PAQR9: variants seen among roughly 807,000 people sequenced by gnomAD.
PAQR9 encodes membrane progestin receptor epsilon.
PAQR9 carries 12 observed loss-of-function variants against 24.0 expected under a neutral mutation model. The observed-to-expected ratio is 0.50, with a 90% CI of 0.32 to 0.81. PAQR9 has a LOEUF of 0.81. Among genes scored for constraint, PAQR9 ranks in the 30% least tolerant of loss-of-function variants. PAQR9 has a pLI of 0.03. For synonymous variants in PAQR9, 266 were observed against 237.6 expected, an observed-to-expected ratio of 1.12 and a Z score of -1.10; for missense variants, 418 against 520.8, an observed-to-expected ratio of 0.80 and a Z score of 1.92.
In PAQR9 at chr3:142,962,311, G is replaced by C; in HGVS notation, c.1026C>G (p.Ala342=). Residue 342 remains alanine, a synonymous_variant, in exon 1 of 1, where the codon GCC becomes GCG. Transcript: ENST00000340634. ...GLRQFLQAPP[A]APTFSGTVGY... Reference sequence around the variant, plus strand: ...CCACAGTACCCGAGAAAGTGGGTGCGGCAGGCGGCGCCTGGAGGAACTGGC... The same window carrying C: ...CCACAGTACCCGAGAAAGTGGGTGCCGCAGGCGGCGCCTGGAGGAACTGGC... 6.2e-7 allele frequency: 1 copy of C among 1,614,106 alleles called. No individual in the cohort carries two copies. The highest frequency in any genetic ancestry group is 8.5e-7 in the Non-Finnish European group (1 of 1,180,028).
At position 142,962,406 on chromosome 3, in the gene PAQR9, G is replaced by T; in HGVS notation, c.931C>A (p.His311Asn). 6.2e-7 allele frequency: 1 copy of T among 1,614,172 alleles called. No homozygotes were observed. Among genetic ancestry groups the T allele is most frequent in the South Asian group, 1.1e-5 (1 of 91,078 alleles). The change falls in exon 1 of 1, where the codon CAC becomes AAC. Residue 311 changes from histidine to asparagine, a missense_variant. Physicochemically the swap from His to Asn is moderately conservative, Grantham distance 68. Around this residue, in one of 3 missense-constraint regions of PAQR9, gnomAD observed 230 missense variants for 305.2 expected, o/e 0.75. Transcript: ENST00000340634. ...PGLFDIIGHS[H>N]QLFHIFTFLS... ...AAGGTGAAGATGTGGAAGAGCTGGTGGCTGTGGCCGATAATGTCGAAAAGA... is the reference window on the plus strand; with the variant it reads ...AAGGTGAAGATGTGGAAGAGCTGGTTGCTGTGGCCGATAATGTCGAAAAGA...
At chr3:142,949,548 G>A (rs1934687526) in exon 3 of PAQR9, 2 of 152,176 alleles carry the variant, frequency 1.3e-5, no homozygotes, top group South Asian at 4.1e-4. Context: ...GGCAGGATGT[G>A]AAACCTCTTA....
In PAQR9 at chr3:142,962,753, C is replaced by A. The variant is rs2108243752; in HGVS notation, c.584G>T (p.Arg195Leu). The A allele has an allele frequency of 6.2e-7, 1 of 1,612,350 alleles. No individual in the cohort carries two copies. The highest frequency in any genetic ancestry group is 2.2e-5 in the East Asian group (1 of 44,840). The change falls in exon 1 of 1, where the codon CGC (arginine) becomes CTC (leucine). Residue 195 changes from arginine to leucine, a missense_variant. Around this residue, in one of 3 missense-constraint regions of PAQR9, gnomAD observed 230 missense variants for 305.2 expected, o/e 0.75. Coordinates refer to ENST00000340634, the MANE Select transcript of PAQR9 (RefSeq NM_198504.4). ...CGTGCAGTCCACGTGCCAGCCCAGG[C>A]GCTGCTGCAAGTATGGAGTCATGAC... ...ARVMTPYLQQRLGWHVDCTRL... is the reference protein window; with the variant it reads ...ARVMTPYLQQLLGWHVDCTRL...
chr3:142,963,205 C>G lies in PAQR9; in HGVS notation c.132G>C (p.Leu44=), dbSNP rs200332240. 2.0e-4 allele frequency: 310 copies of G among 1,572,590 alleles called. 1 individual carries two copies. In the African/African-American group the frequency reaches 4.0e-3, roughly 20 times the overall value. Residue 44 remains leucine, a synonymous_variant, in exon 1 of 1, where the codon CTG becomes CTC. Transcript: ENST00000340634. ...SRDPPASAKP[L]LRWDEVPDDF... ...CGTCGGGCACCTCGTCCCAGCGCAG[C>G]AGCGGCTTGGCAGACGCTGGGGGGT... is the stretch of plus-strand genomic sequence containing the variant.
At chr3:142,954,221 C>A (rs1040906133), downstream of PAQR9, among the ~76,000 whole-genome samples, 31 of 152,190 alleles carry the variant, frequency 2.0e-4, 2 homozygotes, top group Non-Finnish European at 1.5e-5. Context: ...CACACATCAC[C>A]AAGGTTCTGG....
At position 142,961,998 on chromosome 3, in the gene PAQR9, C is replaced by A. The variant is rs1182959049; in HGVS notation, c.*205G>T. On this transcript the variant is annotated 3_prime_UTR_variant, in exon 1 of 1. Coordinates refer to ENST00000340634, the MANE Select transcript of PAQR9 (RefSeq NM_198504.4). ...AGAACAAGTGACTATCTCCCTCCCG[C>A]TTGACCACCCCTGCCAACCTCCCTA... 19 of 597,420 alleles carry A rather than the reference C, an allele frequency of 3.2e-5. No homozygotes were observed. In the Middle Eastern group the frequency reaches 1.3e-3, roughly 42 times the overall value. 37.0% of individuals were successfully genotyped at this position (597,420 alleles called of 1,614,324 possible).
chr3:142,956,293 CA>C lies in PAQR9; in HGVS notation c.*5909del, dbSNP rs1934790053. Among the ~76,000 whole-genome samples the C allele has an allele frequency of 2.0e-5, 3 of 152,100 alleles. No individual in the cohort carries two copies. The highest frequency in any genetic ancestry group is 2.9e-5 in the Non-Finnish European group (2 of 68,022). On this transcript the variant is annotated 3_prime_UTR_variant, in exon 1 of 1. Coordinates refer to ENST00000340634, the MANE Select transcript of PAQR9 (RefSeq NM_198504.4). ...AGCAGGGCCATCTTTACAGCACGGC[CA>C]AATGACCACCTGAAGACCCCCCATT...
Position 142,955,477 on chromosome 3 carries a change from A to AAG in PAQR9, c.*6725_*6726insCT, listed in dbSNP as rs1553826345. Among the ~76,000 whole-genome samples the AAG allele has an allele frequency of 1.1e-4, 12 of 108,566 alleles. No individual in the cohort carries two copies. The highest frequency in any genetic ancestry group is 2.3e-4 in the Non-Finnish European group (12 of 52,028). 71.2% of individuals were successfully genotyped at this position (108,566 alleles called of 152,430 possible). ...AAAAAAAAAAAAAAAAAAAAAAAAA[A>AAG]GCAGCCACAGAATCCTCCCCCAGCC... On this transcript the variant is annotated 3_prime_UTR_variant, in exon 1 of 1. Coordinates refer to ENST00000340634, the MANE Select transcript of PAQR9 (RefSeq NM_198504.4).
At position 142,958,090 on chromosome 3, in the gene PAQR9, G is replaced by A. The variant is rs544817513; in HGVS notation, c.*4113C>T. On this transcript the variant is annotated 3_prime_UTR_variant, in exon 1 of 1. Coordinates refer to ENST00000340634, the MANE Select transcript of PAQR9 (RefSeq NM_198504.4). ...CAGTAGGTGCTCAAAGATCATGAAAGGTATGATATGAGTGCATGAATGAAC... is the reference window on the plus strand; with the variant it reads ...CAGTAGGTGCTCAAAGATCATGAAAAGTATGATATGAGTGCATGAATGAAC... Among the ~76,000 whole-genome samples the A allele has an allele frequency of 2.3e-4, 35 of 152,294 alleles. No homozygotes were observed. Among genetic ancestry groups the A allele is most frequent in the Admixed American group, 1.0e-3 (16 of 15,302 alleles).
At chr3:142,953,799 G>A (rs1371233093), downstream of PAQR9, among the ~76,000 whole-genome samples, 3 of 152,156 alleles carry the variant, frequency 2.0e-5, no homozygotes, top group Non-Finnish European at 2.9e-5. Flanking sequence ...TGTCTCTAGA[G>A]GAGTCCATGT....
chr3:142,952,313 G>A (rs577116884), downstream of PAQR9, among the ~76,000 whole-genome samples: 69 of 152,238 alleles, frequency 4.5e-4, 1 homozygote, highest in Non-Finnish European at 9.7e-4. Flanking sequence ...GAATGGGAGA[G>A]AGCAGTTCAG....
chr3:142,963,886 C>A, upstream of PAQR9: 2 of 985,344 alleles, frequency 2.0e-6, no homozygotes, highest in South Asian at 4.7e-5. Context: ...GCCCGGGCCG[C>A]CCCGTTAATG....
rs373745805 is a variant in PAQR9 at position 142,957,465 on chromosome 3, T to A, written c.*4738A>T. Among the ~76,000 whole-genome samples, 2 of 152,230 alleles carry A rather than the reference T, an allele frequency of 1.3e-5. No homozygotes were observed. Among genetic ancestry groups the A allele is most frequent in the African/African-American group, 4.8e-5 (2 of 41,460 alleles). ...CTCCAGATTAATGTTTTCTAAGACA[T>A]GTTTCATAAGTTACAACACAAAGAT... On this transcript the variant is annotated 3_prime_UTR_variant, in exon 1 of 1. Transcript: ENST00000340634.
chr3:142,963,080 T>C lies in PAQR9; in HGVS notation c.257A>G (p.Asn86Ser). 1 of 1,614,116 alleles carries C rather than the reference T, an allele frequency of 6.2e-7. No individual in the cohort carries two copies. The highest frequency in any genetic ancestry group is 8.5e-7 in the Non-Finnish European group (1 of 1,179,984). ...CAGCGGGATGAAGTGCGTCCAGAAGTTGAGCGTCTCGTTGGTAGGCTTCAG... is the reference window on the plus strand; with the variant it reads ...CAGCGGGATGAAGTGCGTCCAGAAGCTGAGCGTCTCGTTGGTAGGCTTCAG... ...SVLKPTNETLNFWTHFIPLLL... is the reference protein window; with the variant it reads ...SVLKPTNETLSFWTHFIPLLL... Residue 86 changes from asparagine (N) to serine (S), a missense_variant, in exon 1 of 1, where the codon AAC becomes AGC. Physicochemically the swap from Asn to Ser is conservative, Grantham distance 46. Around this residue, in one of 3 missense-constraint regions of PAQR9, gnomAD observed 180 missense variants for 190.3 expected, o/e 0.95. Coordinates refer to ENST00000340634, the MANE Select transcript of PAQR9 (RefSeq NM_198504.4).
In PAQR9 at chr3:142,955,695, C is replaced by T. The variant is rs1254597827; in HGVS notation, c.*6508G>A. On this transcript the variant is annotated 3_prime_UTR_variant, in exon 1 of 1. Transcript: ENST00000340634. ...ATTGCCTTGGTACTCAGTTGATTGG[C>T]GAGAATAATTTTGTTCATAGCCTCC... Among the ~76,000 whole-genome samples, 5 of 152,024 alleles carry T rather than the reference C, an allele frequency of 3.3e-5. No homozygotes were observed. Among genetic ancestry groups the T allele is most frequent in the South Asian group, 2.1e-4 (1 of 4,814 alleles).
rs1203488524 is a variant in PAQR9 at position 142,955,407 on chromosome 3, A to C, written c.*6796T>G. Among the ~76,000 whole-genome samples, 1 of 143,810 alleles carries C rather than the reference A, an allele frequency of 7.0e-6. No individual in the cohort carries two copies. The highest frequency in any genetic ancestry group is 1.5e-5 in the Non-Finnish European group (1 of 65,942). The allele number at this position is 143,810 out of a possible 152,430, so 94.3% of individuals were successfully genotyped here. On this transcript the variant is annotated 3_prime_UTR_variant, in exon 1 of 1. Transcript: ENST00000340634. ...ATGGCCTGGGAGATGGCTGAAATGA[A>C]GAGAGTTCAGAGCGACCACATGGTC...
chr3:142,956,213 A>C lies in PAQR9; in HGVS notation c.*5990T>G, dbSNP rs1934789031. Among the ~76,000 whole-genome samples the C allele has an allele frequency of 6.6e-6, 1 of 152,228 alleles. No individual in the cohort carries two copies. The highest frequency in any genetic ancestry group is 1.5e-5 in the Non-Finnish European group (1 of 68,042). The stretch of plus-strand genomic sequence containing the variant: ...AATTGTGTCCCCATGCTTTATCTAG[A>C]AACAAGAGTTTATTTACACAGTGTC... On this transcript the variant is annotated 3_prime_UTR_variant, in exon 1 of 1. Transcript: ENST00000340634.
upstream of PAQR9, chr3:142,963,912 G>A: frequency 1.0e-6 from 1 of 984,314 alleles, no homozygotes; most frequent in Non-Finnish European, 1.2e-6. Context: ...TGCGGGGGCC[G>A]CAGGCTGGTC....
At position 142,963,189 on chromosome 3, in the gene PAQR9, C is replaced by A; in HGVS notation, c.148G>T (p.Val50Leu). Residue 50 changes from valine (V) to leucine (L), a missense_variant, in exon 1 of 1, where the codon GTG becomes TTG. Around this residue, in one of 3 missense-constraint regions of PAQR9, gnomAD observed 180 missense variants for 190.3 expected, o/e 0.95. Coordinates refer to ENST00000340634, the MANE Select transcript of PAQR9 (RefSeq NM_198504.4). ...SAKPLLRWDE[V>L]PDDFVECFIL... ...AAGCACTCCACGAAGTCGTCGGGCA[C>A]CTCGTCCCAGCGCAGCAGCGGCTTG... The A allele has an allele frequency of 6.3e-7, 1 of 1,584,580 alleles. No individual in the cohort carries two copies. The highest frequency in any genetic ancestry group is 8.6e-7 in the Non-Finnish European group (1 of 1,165,808).
Sources: gnomAD v4.1 joint callset for allele counts (sites outside exome capture counted in the v4.1 genomes callset) on GRCh38, gnomAD v4.1.1 for gene constraint, gnomAD v4.1.1 regional missense constraint, MANE v1.5 for transcripts, NCBI Gene and HGNC (gene_info 2026-07-23, HGNC 2026-07-21) for gene names.